NBEA: variants seen among roughly 807,000 people sequenced by gnomAD.
NBEA encodes lysosomal-trafficking regulator 2.
A neutral mutation model predicts 343.4 loss-of-function variants in NBEA; 44 were observed. That is an observed-to-expected ratio of 0.13 (90% CI 0.10 to 0.16). The LOEUF is 0.16. NBEA is among the 10% of genes least tolerant of loss of function. NBEA has a pLI of 1.00. For synonymous variants in NBEA, 1,175 were observed against 1,238.7 expected, an observed-to-expected ratio of 0.95 and a Z score of 1.08; for missense variants, 2,555 against 3,631.3, an observed-to-expected ratio of 0.70 and a Z score of 7.62.
chr13:35,536,750 C>T (rs1342669789), intron 41 of NBEA, among the ~76,000 whole-genome samples: 1 of 152,192 alleles, frequency 6.6e-6, no homozygotes, highest in East Asian at 1.9e-4. Flanking sequence ...TGTCAAAAAC[C>T]CAGGTGCATT....
chr13:35,581,228 A>C (rs1214367924), intron 45 of NBEA, among the ~76,000 whole-genome samples: 1 of 152,152 alleles, frequency 6.6e-6, no homozygotes, highest in Non-Finnish European at 1.5e-5. Context: ...ACTAGTTTAC[A>C]GTCCCACCAA....
chr13:35,028,198 T>C (rs2062079592), intron 1 of NBEA, among the ~76,000 whole-genome samples: 1 of 151,968 alleles, frequency 6.6e-6, no homozygotes, highest in South Asian at 2.1e-4. Context: ...CTTGTTTACA[T>C]CTACTAAAAA....
intron 45 of NBEA, 141 bp from the exon 46 acceptor site, chr13:35,583,757 G>A (rs1178045826): frequency 1.6e-6 from 1 of 638,006 alleles, no homozygotes; most frequent in Non-Finnish European, 2.6e-6. Context: ...ATCCAGTATG[G>A]TTAAAAATGT....
intron 38 of NBEA, among the ~76,000 whole-genome samples, chr13:35,393,559 TATTTAA>T (rs1301659740): frequency 6.6e-6 from 1 of 152,138 alleles, no homozygotes; most frequent in Non-Finnish European, 1.5e-5. Context: ...TTATTGAGAT[TATTTAA>T]ATTTAGAGTC....
chr13:35,549,307 C>G (rs891099278), intron 41 of NBEA, among the ~76,000 whole-genome samples: 1 of 152,074 alleles, frequency 6.6e-6, no homozygotes, highest in Admixed American at 6.5e-5. Flanking sequence ...AACTTGTTTT[C>G]AAATGTATAT....
chr13:35,559,359 C>G (rs879299480), intron 44 of NBEA, among the ~76,000 whole-genome samples: 1 of 152,096 alleles, frequency 6.6e-6, no homozygotes, highest in Non-Finnish European at 1.5e-5. Context: ...TAAAAATAAT[C>G]ATACTATTTT....
chr13:34,964,767 C>G (rs1382353762), intron 1 of NBEA, among the ~76,000 whole-genome samples: 1 of 151,918 alleles, frequency 6.6e-6, no homozygotes, highest in Non-Finnish European at 1.5e-5. Flanking sequence ...AGGGGGAGAA[C>G]GTTATCTATG....
At chr13:35,237,186 T>C (rs1353287914) in intron 34 of NBEA, among the ~76,000 whole-genome samples, 10 of 151,904 alleles carry the variant, frequency 6.6e-5, no homozygotes, top group Admixed American at 1.3e-4. Flanking sequence ...GAGTGGGAGA[T>C]TGAGGCTGCA....
At chr13:35,111,423 T>C (rs1030734106) in intron 13 of NBEA, among the ~76,000 whole-genome samples, 2 of 151,926 alleles carry the variant, frequency 1.3e-5, no homozygotes, top group African/African-American at 4.8e-5. Flanking sequence ...AGCCAGTTTT[T>C]CTAATTATAC....
chr13:35,202,866 GT>G (rs1253116184), intron 31 of NBEA, among the ~76,000 whole-genome samples: 1 of 152,122 alleles, frequency 6.6e-6, no homozygotes, highest in Non-Finnish European at 1.5e-5. Flanking sequence ...ATGGCAACTT[GT>G]CCTTTCTGTT....
intron 1 of NBEA, among the ~76,000 whole-genome samples, chr13:34,963,789 GC>G (rs2059736278): frequency 6.6e-6 from 1 of 151,450 alleles, no homozygotes; most frequent in South Asian, 2.1e-4. Flanking sequence ...CAGCGGAAAA[GC>G]CCAAATAGTT....
chr13:35,056,626 C>CA (rs2063273757), intron 7 of NBEA, among the ~76,000 whole-genome samples: 1 of 152,036 alleles, frequency 6.6e-6, no homozygotes, highest in African/African-American at 2.4e-5. Flanking sequence ...TTCTTCTATT[C>CA]AGTGGGAACA....
chr13:35,067,123 A>G (rs2063682146), intron 8 of NBEA, among the ~76,000 whole-genome samples: 2 of 152,140 alleles, frequency 1.3e-5, no homozygotes, highest in African/African-American at 4.8e-5. Context: ...TACGAACCCA[A>G]CATGACGTAA....
chr13:35,413,761 C>A lies in NBEA; in HGVS notation c.6180-18508C>A, dbSNP rs117282860. On this transcript the variant is annotated intron_variant, in intron 38 of 58. Coordinates refer to ENST00000379939, the MANE Select transcript of NBEA (RefSeq NM_001385012.1). Reference sequence around the variant, plus strand: ...TATGTTCTTTTCTTGCAGTAGTACACTGTTCTCGTATAGCCACACTCATGA... The same window carrying A: ...TATGTTCTTTTCTTGCAGTAGTACAATGTTCTCGTATAGCCACACTCATGA... Among the ~76,000 whole-genome samples, 1,410 of 152,196 alleles carry A rather than the reference C, an allele frequency of 9.3e-3. 9 individuals carry two copies. Among genetic ancestry groups the A allele is most frequent in the Middle Eastern group, 0.024 (7 of 294 alleles).
chr13:35,479,863 G>C (rs1308889511), intron 41 of NBEA, among the ~76,000 whole-genome samples: 1 of 151,966 alleles, frequency 6.6e-6, no homozygotes, highest in African/African-American at 2.4e-5. Flanking sequence ...AGACATCTTT[G>C]ACATGAGCTA....
At chr13:35,300,910 C>A (rs1453278676) in intron 35 of NBEA, among the ~76,000 whole-genome samples, 1 of 152,012 alleles carries the variant, frequency 6.6e-6, no homozygotes, top group East Asian at 1.9e-4. Context: ...GTACTGTTGT[C>A]TACCTAGGAT....
intron 35 of NBEA, among the ~76,000 whole-genome samples, chr13:35,300,921 G>GTA (rs1409328462): frequency 6.6e-6 from 1 of 151,980 alleles, no homozygotes; most frequent in East Asian, 1.9e-4. Context: ...TACCTAGGAT[G>GTA]TAAAGGGATT....
intron 36 of NBEA, among the ~76,000 whole-genome samples, chr13:35,313,998 G>A (rs1174936518): frequency 1.3e-5 from 2 of 152,102 alleles, no homozygotes; most frequent in Non-Finnish European, 2.9e-5. Context: ...GCAATATGGT[G>A]GGAGGGAAAG....
Position 35,424,696 on chromosome 13 carries a change from A to G in NBEA, c.6180-7573A>G, listed in dbSNP as rs575370308. Among the ~76,000 whole-genome samples, 534 of 152,088 alleles carry G rather than the reference A, an allele frequency of 3.5e-3. 1 individual carries two copies. Among genetic ancestry groups the G allele is most frequent in the African/African-American group, 0.012 (502 of 41,520 alleles). ...GTTAGGGAGGATTCCCTCTTTTTCT[A>G]TTGATTGGAATAGTTTCAGAAGGAA... is the stretch of plus-strand genomic sequence containing the variant. On this transcript the variant is annotated intron_variant, in intron 38 of 58. Coordinates refer to ENST00000379939, the MANE Select transcript of NBEA (RefSeq NM_001385012.1).
Sources: gnomAD v4.1 joint callset for allele counts (sites outside exome capture counted in the v4.1 genomes callset) on GRCh38, gnomAD v4.1.1 for gene constraint, MANE v1.5 for transcripts, NCBI Gene and HGNC (gene_info 2026-07-23, HGNC 2026-07-21) for gene names.